Variants in MINDY3 observed in about 807,000 individuals in gnomAD.
The protein encoded by MINDY3 is ubiquitin carboxyl-terminal hydrolase MINDY-3.
Under a neutral mutation model 69.2 loss-of-function variants are expected in MINDY3, and 38 were observed. The observed-to-expected ratio is 0.55, with a 90% CI of 0.42 to 0.72. The LOEUF (loss-of-function observed/expected upper bound fraction) is 0.72, where lower values mean the gene tolerates loss of function less well. MINDY3 is among the 30% of genes least tolerant of loss of function. The pLI, the probability that MINDY3 is intolerant of heterozygous loss-of-function variation, is 0.00. For synonymous variants in MINDY3, 192 were observed against 180.1 expected (o/e 1.07, Z -0.53); for missense variants, 522 against 519.0 (o/e 1.01, Z -0.06).
chr10:15,816,315 A>AAATATTCAG (rs1378470848), intron 10 of MINDY3, among the ~76,000 whole-genome samples: 1 of 151,780 alleles, frequency 6.6e-6, no homozygotes, highest in Non-Finnish European at 1.5e-5. Flanking sequence ...ACAAGAAAAG[A>AAATATTCAG]AATATTCAGA....
At chr10:15,812,161 G>A (rs995214614) in intron 10 of MINDY3, among the ~76,000 whole-genome samples, 2 of 152,108 alleles carry the variant, frequency 1.3e-5, no homozygotes, top group African/African-American at 2.4e-5. Flanking sequence ...GGCTGGTCTC[G>A]AACTCCTGAC....
chr10:15,797,338 T>C (rs965364461), intron 10 of MINDY3, among the ~76,000 whole-genome samples: 1 of 152,102 alleles, frequency 6.6e-6, no homozygotes, highest in Non-Finnish European at 1.5e-5. Flanking sequence ...TTTTTAACAT[T>C]TGTAAAATTT....
chr10:15,828,276 T>C (rs1228720653), intron 8 of MINDY3, among the ~76,000 whole-genome samples: 3 of 152,194 alleles, frequency 2.0e-5, no homozygotes, highest in African/African-American at 4.8e-5. Flanking sequence ...TGCTAAAACA[T>C]GGTCACCTTG....
At chr10:15,790,665 T>C (rs79818927) in intron 11 of MINDY3, among the ~76,000 whole-genome samples, 5,010 of 152,254 alleles carry the variant, frequency 0.033, 264 homozygotes, top group African/African-American at 0.11. Flanking sequence ...AGGTGGAGTC[T>C]CCCTCATCCA....
chr10:15,844,528 C>A (rs1005261221), intron 2 of MINDY3, among the ~76,000 whole-genome samples: 4 of 152,132 alleles, frequency 2.6e-5, no homozygotes, highest in African/African-American at 9.7e-5. Context: ...CACTACTTGT[C>A]TATCAAGCTA....
rs539277554 is a variant in MINDY3, at chr10:15,793,893, C to A, written c.955+2207G>T. The stretch of plus-strand genomic sequence containing the variant: ...CCCAATTTCATACCAGGTTTATGCT[C>A]CAAACGATCAGTACTAAATCACTTG... On this transcript the variant is annotated intron_variant, in intron 11 of 14. Coordinates refer to ENST00000277632, the MANE Select transcript of MINDY3 (RefSeq NM_024948.4). Among the ~76,000 whole-genome samples the A allele has an allele frequency of 2.6e-5, 4 of 152,200 alleles. No individual in the cohort carries two copies. The South Asian group carries it at 8.3e-4, about 32-fold the overall frequency.
intron 8 of MINDY3, among the ~76,000 whole-genome samples, chr10:15,823,456 A>C (rs1018473080): frequency 2.6e-5 from 4 of 152,230 alleles, no homozygotes; most frequent in African/African-American, 9.6e-5. Context: ...GCTGTCTACT[A>C]ATAAGCCAAG....
At chr10:15,850,667 T>A (rs774380407) in intron 1 of MINDY3, among the ~76,000 whole-genome samples, 20 of 152,202 alleles carry the variant, frequency 1.3e-4, no homozygotes, top group Non-Finnish European at 2.5e-4. Context: ...GATAAGATGT[T>A]ATCAATGACA....
At chr10:15,800,735 T>A (rs565859444) in intron 10 of MINDY3, among the ~76,000 whole-genome samples, 1 of 152,162 alleles carries the variant, frequency 6.6e-6, no homozygotes, top group Non-Finnish European at 1.5e-5. Flanking sequence ...TTGCTCACTA[T>A]GTCAAGATAA....
At chr10:15,847,737 G>A (rs1206416778) in intron 2 of MINDY3, 127 bp downstream of exon 2, 13 of 563,280 alleles carry the variant, frequency 2.3e-5, no homozygotes, top group Non-Finnish European at 3.5e-5. Flanking sequence ...TAATTTACAT[G>A]AGCAAAAGTT....
intron 8 of MINDY3, among the ~76,000 whole-genome samples, chr10:15,832,553 GT>G (rs916920069): frequency 1.3e-5 from 2 of 152,120 alleles, no homozygotes; most frequent in African/African-American, 4.8e-5. Context: ...ATAATTTGTA[GT>G]TTTTTGTTCA....
chr10:15,792,470 G>T (rs1313361919), intron 11 of MINDY3, among the ~76,000 whole-genome samples: 2 of 152,072 alleles, frequency 1.3e-5, no homozygotes, highest in African/African-American at 4.8e-5. Flanking sequence ...TGTTAGCTGG[G>T]GATGCCTGAC....
intron 1 of MINDY3, among the ~76,000 whole-genome samples, chr10:15,848,696 A>T (rs529646521): frequency 6.6e-6 from 1 of 150,438 alleles, no homozygotes; most frequent in African/African-American, 2.5e-5. Context: ...TAGACAGTAC[A>T]TGTGTTTATA....
chr10:15,782,341 A>G, intron 13 of MINDY3, 115 bp from the exon 14 acceptor site: 1 of 710,458 alleles, frequency 1.4e-6, no homozygotes, highest in South Asian at 2.1e-5. Flanking sequence ...CTGGGGACTC[A>G]TTTGACAAAA....
At chr10:15,807,979 T>C (rs1234177136) in intron 10 of MINDY3, among the ~76,000 whole-genome samples, 1 of 152,170 alleles carries the variant, frequency 6.6e-6, no homozygotes, top group Non-Finnish European at 1.5e-5. Flanking sequence ...GTGGTACAAG[T>C]CATTGGCATA....
At position 15,823,065 on chromosome 10, in the gene MINDY3, T is replaced by C. The variant is rs1839876359; in HGVS notation, c.731-1339A>G. Among the ~76,000 whole-genome samples, 5 of 152,178 alleles carry C rather than the reference T, an allele frequency of 3.3e-5. No homozygotes were observed. In the South Asian group the frequency reaches 1.0e-3, roughly 31 times the overall value. ...TTCTTATCAATGAATGTAGTAAGAATATTAACTCTGTTATTTTTGTGGCCA... is the reference window on the plus strand; with the variant it reads ...TTCTTATCAATGAATGTAGTAAGAACATTAACTCTGTTATTTTTGTGGCCA... On this transcript the variant is annotated intron_variant, in intron 8 of 14. Coordinates refer to ENST00000277632, the MANE Select transcript of MINDY3 (RefSeq NM_024948.4).
intron 13 of MINDY3, among the ~76,000 whole-genome samples, chr10:15,785,367 C>T (rs1193536490): frequency 6.6e-6 from 1 of 152,138 alleles, no homozygotes; most frequent in Non-Finnish European, 1.5e-5. Flanking sequence ...GTAACTGTCT[C>T]ACTTTACATT....
At position 15,841,512 on chromosome 10, in the gene MINDY3, A is replaced by T; in HGVS notation, c.323T>A (p.Val108Asp). ...CCDHSGSYCLVSWLRGKTTEE... is the reference protein window; with the variant it reads ...CCDHSGSYCLDSWLRGKTTEE... ...AGTTGTCTTTCCTCTTAACCATGAA[A>T]CCAAGCAGTATGATCCAGAGTGGTC... The change falls in exon 4 of 15, where the codon GTT becomes GAT. Residue 108 changes from valine to aspartate, a missense_variant. Transcript: ENST00000277632. The T allele has an allele frequency of 3.7e-6, 6 of 1,612,118 alleles. No individual in the cohort carries two copies. Among genetic ancestry groups the T allele is most frequent in the Non-Finnish European group, 5.1e-6 (6 of 1,178,654 alleles).
intron 10 of MINDY3, among the ~76,000 whole-genome samples, chr10:15,802,894 C>G (rs1838365361): frequency 6.6e-6 from 1 of 151,602 alleles, no homozygotes; most frequent in African/African-American, 2.4e-5. Context: ...TAGGCAATAA[C>G]TCTTAATCAC....
Sources: allele counts gnomAD v4.1 joint callset (sites outside exome capture counted in the v4.1 genomes callset), GRCh38; gene constraint gnomAD v4.1.1; transcripts MANE v1.5; gene names NCBI Gene and HGNC (gene_info 2026-07-23, HGNC 2026-07-21).